SLC2A9: variants seen among roughly 807,000 people sequenced by gnomAD.
SLC2A9 encodes solute carrier family 2 member 9, also known as solute carrier family 2, facilitated glucose transporter member 9.
SLC2A9 carries 39 observed loss-of-function variants against 50.6 expected under a neutral mutation model. The observed-to-expected ratio is 0.77, with a 90% CI of 0.60 to 1.01. SLC2A9 has a LOEUF of 1.01. SLC2A9 is among the 50% of genes least tolerant of loss of function. The probability of loss-of-function intolerance (pLI) is 0.00; values close to 1 mark genes in which losing one functional copy is unlikely to be tolerated. For synonymous variants in SLC2A9, 324 were observed against 276.9 expected, an observed-to-expected ratio of 1.17 and a Z score of -1.69; for missense variants, 686 against 677.6, an observed-to-expected ratio of 1.01 and a Z score of -0.14.
At chr4:9,878,848 G>GA (rs757556801) in intron 10 of SLC2A9, among the ~76,000 whole-genome samples, 5 of 152,008 alleles carry the variant, frequency 3.3e-5, no homozygotes, top group African/African-American at 4.8e-5. Flanking sequence ...GGCAGTGTCA[G>GA]AATTGAGCTG....
chr4:9,905,306 T>A (rs1385215780), intron 8 of SLC2A9, among the ~76,000 whole-genome samples: 1 of 152,238 alleles, frequency 6.6e-6, no homozygotes, highest in Admixed American at 6.5e-5. Context: ...ACCTCCTCCA[T>A]TGGACTGTGA....
chr4:10,021,490 C>T lies in SLC2A9; in HGVS notation c.-61G>A. 1.2e-6 allele frequency: 2 copies of T among 1,610,396 alleles called. No homozygotes were observed. Among genetic ancestry groups the T allele is most frequent in the South Asian group, 2.2e-5 (2 of 90,434 alleles). On this transcript the variant is annotated 5_prime_UTR_variant, in exon 1 of 12. Transcript: ENST00000264784. ...GACCCCAGACTCTGCCAAGGCATTT[C>T]CGTGAGTGAGGAGGCAGAGTCCACT... is the stretch of plus-strand genomic sequence containing the variant.
intron 3 of SLC2A9, among the ~76,000 whole-genome samples, chr4:9,815,285 C>T (rs941404067): frequency 6.6e-6 from 1 of 152,240 alleles, no homozygotes; most frequent in Non-Finnish European, 1.5e-5. Flanking sequence ...CTGCGCCCCA[C>T]AGATACAACT....
Position 9,941,909 on chromosome 4 carries a change from T to C in SLC2A9, c.814+4A>G. The C allele has an allele frequency of 6.2e-7, 1 of 1,614,016 alleles. No homozygotes were observed. The highest frequency in any genetic ancestry group is 1.1e-5 in the South Asian group (1 of 91,068). Reference sequence around the variant, plus strand: ...AGCTGTGCAGGAAAGGGAAGGGCCCTCACCTTTCACAGCTCTTGCCTCGTT... The same window carrying C: ...AGCTGTGCAGGAAAGGGAAGGGCCCCCACCTTTCACAGCTCTTGCCTCGTT... On this transcript the variant is annotated splice_donor_region_variant and intron_variant, in intron 6 of 11. Coordinates refer to ENST00000264784, the MANE Select transcript of SLC2A9 (RefSeq NM_020041.3).
chr4:9,998,309 G>A lies in SLC2A9; in HGVS notation c.250-1368C>T, dbSNP rs956651944. Among the ~76,000 whole-genome samples, 12 of 149,770 alleles carry A rather than the reference G, an allele frequency of 8.0e-5. No homozygotes were observed. In the East Asian group the frequency reaches 1.2e-3, roughly 15 times the overall value. ...TGCAGAAAAAGCTTAGGTTCAGGTC[G>A]CTCAGACCTGGGCTCAAATCCCAGC... is the stretch of plus-strand genomic sequence containing the variant. On this transcript the variant is annotated intron_variant, in intron 2 of 11. Transcript: ENST00000264784.
intron 10 of SLC2A9, among the ~76,000 whole-genome samples, chr4:9,854,837 C>T (rs2109341937): frequency 6.6e-6 from 1 of 151,774 alleles, no homozygotes; most frequent in Middle Eastern, 3.4e-3. Context: ...TGACTCATCA[C>T]ATAAACAAAA....
At chr4:9,971,114 G>A (rs920588741) in intron 5 of SLC2A9, among the ~76,000 whole-genome samples, 9 of 152,174 alleles carry the variant, frequency 5.9e-5, no homozygotes, top group Non-Finnish European at 4.4e-5. Flanking sequence ...GTAGCTTGCC[G>A]ATGCTCCCAG....
chr4:9,956,684 A>G (rs561892530), intron 5 of SLC2A9, among the ~76,000 whole-genome samples: 12 of 152,290 alleles, frequency 7.9e-5, no homozygotes, highest in African/African-American at 2.9e-4. Context: ...TTCTAGGGCT[A>G]GCATTTCAAA....
intron 3 of SLC2A9, among the ~76,000 whole-genome samples, chr4:9,792,243 C>A (rs934025473): frequency 9.7e-5 from 13 of 133,558 alleles, no homozygotes; most frequent in African/African-American, 3.3e-4. Flanking sequence ...GTGGAGCAAT[C>A]ATGGTTCACT....
intron 11 of SLC2A9, among the ~76,000 whole-genome samples, chr4:9,831,662 C>G (rs1165166015): frequency 6.6e-6 from 1 of 152,174 alleles, no homozygotes; most frequent in Non-Finnish European, 1.5e-5. Flanking sequence ...AAGAGGGGAG[C>G]CAGGACATAG....
Position 9,890,617 on chromosome 4 carries a change from G to T in SLC2A9, c.1208C>A (p.Thr403Asn). Residue 403 changes from threonine (T) to asparagine (N), a missense_variant, in exon 9 of 12, where the codon ACC becomes AAC. Coordinates refer to ENST00000264784, the MANE Select transcript of SLC2A9 (RefSeq NM_020041.3). ...ACAAGAACATCGTCTCACCTGCAGG[G>T]TCAGCGTGATGGTGAGGGTCCCAAA... is the stretch of plus-strand genomic sequence containing the variant. The part of the protein sequence containing the change: ...LFFGTLTITL[T>N]LQDHAPWVPY... The T allele has an allele frequency of 6.2e-7, 1 of 1,614,044 alleles. No individual in the cohort carries two copies.
intron 3 of SLC2A9, among the ~76,000 whole-genome samples, chr4:9,990,947 G>C (rs1208879322): frequency 6.6e-6 from 1 of 152,198 alleles, no homozygotes; most frequent in African/African-American, 2.4e-5. Context: ...GATTCCCCCA[G>C]CTCAATGAAT....
intron 2 of SLC2A9, among the ~76,000 whole-genome samples, chr4:10,015,545 T>C (rs1328952310): frequency 6.6e-6 from 1 of 152,224 alleles, no homozygotes; most frequent in African/African-American, 2.4e-5. Context: ...GTTGAAGCCC[T>C]AACCCCGATG....
chr4:9,782,295 T>C lies in SLC2A9; in HGVS notation n.386-2230A>G, dbSNP rs755423087. ...GTGTCTCTGGCCGTGTCAGACCTTT[T>C]CGTGGCGCTGCTGGTCATGCCCTGG... On this transcript the variant is annotated intron_variant and non_coding_transcript_variant, in intron 3 of 3. Coordinates refer to the SLC2A9 transcript ENST00000503803. 4 of 1,614,002 alleles carry C rather than the reference T, an allele frequency of 2.5e-6. No individual in the cohort carries two copies. In the Admixed American group the frequency reaches 5.0e-5, roughly 20 times the overall value.
chr4:9,976,149 T>C (rs1578153776), intron 5 of SLC2A9, among the ~76,000 whole-genome samples: 1 of 152,330 alleles, frequency 6.6e-6, no homozygotes, highest in South Asian at 2.1e-4. Context: ...TATTGGGTAG[T>C]ATGTTCAGTA....
At chr4:9,798,744 G>A (rs1720917507), downstream of SLC2A9, 1 of 151,784 alleles carries the variant, frequency 6.6e-6, no homozygotes, top group Non-Finnish European at 1.5e-5. Context: ...GTAGCTTCAT[G>A]AAAAGAGCAT....
intron 3 of SLC2A9, among the ~76,000 whole-genome samples, chr4:9,784,688 C>T (rs867370792): frequency 2.0e-5 from 3 of 152,224 alleles, no homozygotes; most frequent in African/African-American, 7.2e-5. Flanking sequence ...GCAGTGTGCA[C>T]AGCCAAGGGG....
chr4:10,036,967 G>C (rs16892449), intron 1 of SLC2A9, among the ~76,000 whole-genome samples: 16,070 of 152,188 alleles, frequency 0.11, 1,489 homozygotes, highest in East Asian at 0.46. Flanking sequence ...AGACTTAATT[G>C]TTAAGCATTC....
intron 3 of SLC2A9, chr4:9,995,539 C>T (rs1378164404): frequency 1.3e-5 from 2 of 152,152 alleles, no homozygotes; most frequent in Non-Finnish European, 2.9e-5. Flanking sequence ...TTTCTGTAAT[C>T]CCATGGTCTG....
Sources: gnomAD v4.1 joint callset for allele counts (sites outside exome capture counted in the v4.1 genomes callset) on GRCh38, gnomAD v4.1.1 for gene constraint, MANE v1.5 for transcripts, NCBI Gene and HGNC (gene_info 2026-07-23, HGNC 2026-07-21) for gene names.